The following TYW1 variants were observed in gnomAD, a reference collection of about 807,000 sequenced individuals.
TYW1 encodes tRNA-yW synthesizing protein 1 homolog.
A neutral mutation model predicts 96.2 loss-of-function variants in TYW1; 46 were observed. The ratio of observed to expected loss-of-function variants is 0.48; its 90% CI spans 0.38 to 0.61. TYW1 has a LOEUF of 0.61. Among genes scored for constraint, TYW1 ranks in the 20% least tolerant of loss-of-function variants. The probability of loss-of-function intolerance (pLI) is 0.00; values close to 1 mark genes in which losing one functional copy is unlikely to be tolerated. For synonymous variants in TYW1, 274 were observed against 323.0 expected (o/e 0.85, Z 1.63); for missense variants, 684 against 909.6 (o/e 0.75, Z 3.19).
At chr7:67,225,435 C>G (rs957192380) in intron 15 of TYW1, among the ~76,000 whole-genome samples, 1 of 152,098 alleles carries the variant, frequency 6.6e-6, no homozygotes, top group Non-Finnish European at 1.5e-5. Context: ...TAATTAAGAT[C>G]CTGTAGATAA....
intron 4 of TYW1, among the ~76,000 whole-genome samples, chr7:67,010,346 C>T (rs1793750256): frequency 6.6e-6 from 1 of 151,988 alleles, no homozygotes; most frequent in Non-Finnish European, 1.5e-5. Context: ...CAGGCTCTCA[C>T]TCTCTCACCC....
chr7:67,114,195 T>TA (rs1222049485), intron 12 of TYW1: 18 of 153,090 alleles, frequency 1.2e-4, no homozygotes. Flanking sequence ...CAGATTGTCT[T>TA]AGAGATTTAG....
chr7:67,082,934 C>G (rs1241716497), intron 10 of TYW1, among the ~76,000 whole-genome samples: 1 of 152,016 alleles, frequency 6.6e-6, no homozygotes, highest in Non-Finnish European at 1.5e-5. Context: ...TGGTTTTGGT[C>G]TCAAAATGAC....
rs1039886259 is a variant in TYW1, at chr7:67,035,531, C to T, written c.984+10509C>T. On this transcript the variant is annotated intron_variant, in intron 7 of 15. Coordinates refer to ENST00000359626, the MANE Select transcript of TYW1 (RefSeq NM_018264.4). The stretch of plus-strand genomic sequence containing the variant: ...TACAGATTTGTTGCGGTCCTTAGAC[C>T]ATCCTCAGGTTGATAATTTGCTAGA... Among the ~76,000 whole-genome samples, 50 of 152,240 alleles carry T rather than the reference C, an allele frequency of 3.3e-4. 1 individual carries two copies. The highest frequency in any genetic ancestry group is 1.2e-3 in the African/African-American group (49 of 41,522).
At chr7:67,164,359 C>T (rs1250938707) in intron 13 of TYW1, among the ~76,000 whole-genome samples, 1 of 152,028 alleles carries the variant, frequency 6.6e-6, no homozygotes, top group African/African-American at 2.4e-5. Flanking sequence ...CCTGTAATCC[C>T]AGCATTTTGG....
intron 7 of TYW1, among the ~76,000 whole-genome samples, chr7:67,035,245 A>C (rs1794798413): frequency 6.6e-6 from 1 of 151,688 alleles, no homozygotes; most frequent in African/African-American, 2.4e-5. Context: ...CATCCTCCCA[A>C]GTAGCTGGGA....
intron 6 of TYW1, among the ~76,000 whole-genome samples, chr7:67,022,473 AATG>A (rs760403620): frequency 1.3e-5 from 2 of 152,290 alleles, no homozygotes; most frequent in East Asian, 3.9e-4. Context: ...ATTTATTGGA[AATG>A]ATGAGGTAGG....
chr7:67,238,251 A>G (rs140748463), intron 15 of TYW1, 57 bp from the exon 16 acceptor site: 161,284 of 1,499,374 alleles, frequency 0.11, 5,899 homozygotes, highest in Middle Eastern at 0.16. Context: ...AAAAACATTC[A>G]TTTTTTTTTT....
intron 13 of TYW1, among the ~76,000 whole-genome samples, chr7:67,181,061 A>G (rs1008871566): frequency 2.0e-5 from 3 of 151,664 alleles, no homozygotes; most frequent in African/African-American, 7.3e-5. Flanking sequence ...ATGGTGTTTG[A>G]TTTGCTCATT....
chr7:67,075,677 ATC>A lies in TYW1; in HGVS notation c.1275-7751_1275-7750del, dbSNP rs757050494. On this transcript the variant is annotated intron_variant, in intron 10 of 15. Coordinates refer to ENST00000359626, the MANE Select transcript of TYW1 (RefSeq NM_018264.4). ...TCTGTGCATTGCCTAGAATAGACAA[ATC>A]TGTAGAGACAGAAAGTAGAATAGTG... is the stretch of plus-strand genomic sequence containing the variant. 2.0e-5 allele frequency among the ~76,000 whole-genome samples: 3 copies of A among 152,358 alleles called. No individual in the cohort carries two copies. The East Asian group carries it at 5.8e-4, about 29-fold the overall frequency.
At chr7:67,079,580 A>G (rs1796318067) in intron 10 of TYW1, among the ~76,000 whole-genome samples, 1 of 147,276 alleles carries the variant, frequency 6.8e-6, no homozygotes, top group Non-Finnish European at 1.5e-5. Flanking sequence ...GTGTTCTTTT[A>G]GTCTCAACTT....
chr7:67,197,181 A>G (rs924616769), intron 15 of TYW1, among the ~76,000 whole-genome samples: 3 of 152,240 alleles, frequency 2.0e-5, no homozygotes, highest in African/African-American at 7.2e-5. Context: ...GGCTCATAGC[A>G]TGATTCAGTT....
At chr7:67,238,199 T>C in intron 15 of TYW1, 109 bp from the exon 16 acceptor site, 1 of 1,497,406 alleles carries the variant, frequency 6.7e-7, no homozygotes, top group Non-Finnish European at 8.9e-7. Context: ...TTTTGTTTTC[T>C]TGACGTGATA....
rs537563522 is a variant in TYW1 at position 67,186,857 on chromosome 7, C to G, written c.1809+3621C>G. Among the ~76,000 whole-genome samples, 3 of 152,194 alleles carry G rather than the reference C, an allele frequency of 2.0e-5. No individual in the cohort carries two copies. The South Asian group carries it at 6.2e-4, about 32-fold the overall frequency. ...TTTCCATTTTACTATTTTGTCCTTG[C>G]ATTCAACAATATTTGTGAGCTCTCT... On this transcript the variant is annotated intron_variant, in intron 14 of 15. Coordinates refer to ENST00000359626, the MANE Select transcript of TYW1 (RefSeq NM_018264.4).
intron 5 of TYW1, among the ~76,000 whole-genome samples, chr7:67,016,279 G>A (rs1156568382): frequency 1.4e-5 from 2 of 147,050 alleles, no homozygotes; most frequent in African/African-American, 5.0e-5. Context: ...CGGGCGCAGT[G>A]GCACACTCCT....
chr7:67,102,682 C>T (rs1171358231), intron 12 of TYW1, among the ~76,000 whole-genome samples: 5 of 151,516 alleles, frequency 3.3e-5, no homozygotes, highest in South Asian at 2.1e-4. Context: ...GATGGAGTCT[C>T]GCTCCGTCAC....
chr7:67,170,704 T>C (rs1215456104), intron 13 of TYW1, among the ~76,000 whole-genome samples: 3 of 152,180 alleles, frequency 2.0e-5, no homozygotes, highest in East Asian at 1.9e-4. Flanking sequence ...CAATCTGTTT[T>C]CTGTTACTAT....
At chr7:67,227,321 A>G (rs1028953014) in intron 15 of TYW1, among the ~76,000 whole-genome samples, 2 of 152,122 alleles carry the variant, frequency 1.3e-5, no homozygotes, top group African/African-American at 4.8e-5. Flanking sequence ...CAGTGGCACG[A>G]TCTCTGCTCA....
intron 13 of TYW1, among the ~76,000 whole-genome samples, chr7:67,118,909 G>A (rs982970340): frequency 6.5e-5 from 9 of 138,762 alleles, no homozygotes; most frequent in Non-Finnish European, 1.1e-4. Flanking sequence ...AAAAAAAAAG[G>A]GTCTGCAAAT....
Sources: gnomAD v4.1 joint callset for allele counts (sites outside exome capture counted in the v4.1 genomes callset) on GRCh38, gnomAD v4.1.1 for gene constraint, MANE v1.5 for transcripts, NCBI Gene and HGNC (gene_info 2026-07-23, HGNC 2026-07-21) for gene names.